WDR46: variants seen among roughly 807,000 people sequenced by gnomAD.
WDR46 encodes the protein WD repeat-containing protein 46.
A neutral mutation model predicts 74.7 loss-of-function variants in WDR46; 58 were observed. That is an observed-to-expected ratio of 0.78 (90% CI 0.63 to 0.97). WDR46 has a LOEUF of 0.97. Among genes scored for constraint, WDR46 ranks in the 50% least tolerant of loss-of-function variants. The pLI is 0.00. For synonymous variants in WDR46, 278 were observed against 297.3 expected, an observed-to-expected ratio of 0.93 and a Z score of 0.67; for missense variants, 702 against 790.1, an observed-to-expected ratio of 0.89 and a Z score of 1.34.
intron 9 of WDR46, 71 bp downstream of exon 9, chr6:33,287,020 A>C (rs1766710859): frequency 6.3e-7 from 1 of 1,589,564 alleles, no homozygotes. Context: ...ACTTTAAGGG[A>C]CTCATGAAGT....
rs533764135 is a variant in WDR46 at position 33,283,666 on chromosome 6, G to A, written c.1116-2679C>T. ...TGTAATCCCAGCACTTTGGGAGGCCGAGGTGGGTGGATCACCTGAGGTCAG... is the reference window on the plus strand; with the variant it reads ...TGTAATCCCAGCACTTTGGGAGGCCAAGGTGGGTGGATCACCTGAGGTCAG... On this transcript the variant is annotated intron_variant, in intron 10 of 14. Coordinates refer to ENST00000374617, the MANE Select transcript of WDR46 (RefSeq NM_005452.6). Among the ~76,000 whole-genome samples the A allele has an allele frequency of 8.6e-4, 131 of 152,270 alleles. 2 individuals are homozygous for A. The highest frequency in any genetic ancestry group is 4.4e-3 in the South Asian group (21 of 4,826).
rs1766712658 is a variant in WDR46, at chr6:33,287,036, T to C, written c.1015+55A>G. 4.4e-6 allele frequency: 7 copies of C among 1,595,960 alleles called. 1 individual carries two copies. Among genetic ancestry groups the C allele is most frequent in the Middle Eastern group, 1.7e-4 (1 of 5,958 alleles). On this transcript the variant is annotated intron_variant, in intron 9 of 14. Transcript: ENST00000374617. Reference sequence around the variant, plus strand: ...CTTTAAGGGACTCATGAAGTACAAATATAGAAGAAAAGCAAGTCAGGATGG... The same window carrying C: ...CTTTAAGGGACTCATGAAGTACAAACATAGAAGAAAAGCAAGTCAGGATGG...
intron 10 of WDR46, among the ~76,000 whole-genome samples, chr6:33,283,253 G>T (rs912490216): frequency 6.6e-6 from 1 of 151,868 alleles, no homozygotes; most frequent in African/African-American, 2.4e-5. Context: ...GCGGGTGGTG[G>T]GGGGGGTGGT....
chr6:33,287,429 G>GC lies in WDR46; in HGVS notation c.804dup (p.Leu269AlafsTer8). Reference sequence around the variant, plus strand: ...CGGTCACAGCGGCGGATACAGTGGAGCTCAATGCCCTGATTGTCATAGATG... The same window carrying GC: ...CGGTCACAGCGGCGGATACAGTGGAGCCTCAATGCCCTGATTGTCATAGATG... On this transcript the variant is annotated frameshift_variant, in exon 8 of 15. Coordinates refer to ENST00000374617, the MANE Select transcript of WDR46 (RefSeq NM_005452.6). LOFTEE classifies it high-confidence loss of function. 1 of 1,612,584 alleles carries GC rather than the reference G, an allele frequency of 6.2e-7. No homozygotes were observed. The highest frequency in any genetic ancestry group is 8.5e-7 in the Non-Finnish European group (1 of 1,179,818).
In WDR46 at chr6:33,279,781, CCTT is replaced by C. The variant is rs2150892637; in HGVS notation, c.1600_1602del (p.Lys534del). 1.9e-6 allele frequency: 3 copies of C among 1,614,118 alleles called. No homozygotes were observed. The highest frequency in any genetic ancestry group is 2.2e-5 in the East Asian group (1 of 44,876). ...CTCCATACCAGCCTCTCTATCTGCTCCTTCTTTCCCTGCTCCAGGGAGATGACA... is the reference window on the plus strand; with the variant it reads ...CTCCATACCAGCCTCTCTATCTGCTCCTTTCCCTGCTCCAGGGAGATGACA... On this transcript the variant is annotated inframe_deletion, in exon 13 of 15. Coordinates refer to ENST00000374617, the MANE Select transcript of WDR46 (RefSeq NM_005452.6).
chr6:33,280,288 AGTGGGGAACCTGACCTTCTCCAGCAG>A, intron 12 of WDR46, 114 bp downstream of exon 12: 2 of 748,002 alleles, frequency 2.7e-6, no homozygotes, highest in Non-Finnish European at 2.2e-6. Flanking sequence ...CTTCTCCAGC[AGTGGGGAACCTGACCTTCTCCAGCAG>A]GGGGGAACCT....
At chr6:33,285,258 A>C (rs1373654429) in intron 10 of WDR46, among the ~76,000 whole-genome samples, 1 of 151,820 alleles carries the variant, frequency 6.6e-6, no homozygotes, top group Non-Finnish European at 1.5e-5. Flanking sequence ...GCTAGAGTGC[A>C]GTGGCATGAT....
chr6:33,288,827 C>T lies in WDR46; in HGVS notation c.256G>A (p.Glu86Lys). The T allele has an allele frequency of 5.0e-6, 8 of 1,614,148 alleles. No individual in the cohort carries two copies. The highest frequency in any genetic ancestry group is 6.8e-6 in the Non-Finnish European group (8 of 1,180,008). The change falls in exon 2 of 15, where the codon GAG becomes AAG. Residue 86 changes from glutamate to lysine, a missense_variant. Transcript: ENST00000374617. Reference sequence around the variant, plus strand: ...ACCCCGGACAAGCCGCGCTGGGACTCCGGGTTCTTCCATTCTCGGGGTTTC... The same window carrying T: ...ACCCCGGACAAGCCGCGCTGGGACTTCGGGTTCTTCCATTCTCGGGGTTTC... ...PKKPREWKNP[E>K]SQRGLSGTQD...
chr6:33,281,126 C>T, intron 10 of WDR46, 139 bp from the exon 11 acceptor site: 1 of 791,366 alleles, frequency 1.3e-6, no homozygotes, highest in Non-Finnish European at 2.0e-6. Flanking sequence ...GAACACTCCA[C>T]AGGCATCCTC....
rs201738175 is a variant in WDR46 at position 33,288,379 on chromosome 6, A to T, written c.452T>A (p.Leu151Gln). 5 of 1,614,086 alleles carry T rather than the reference A, an allele frequency of 3.1e-6. No individual in the cohort carries two copies. The highest frequency in any genetic ancestry group is 2.2e-5 in the East Asian group (1 of 44,898). The change falls in exon 4 of 15, where the codon CTG becomes CAG. Residue 151 changes from leucine to glutamine, a missense_variant. Physicochemically the swap from Leu to Gln is moderately radical, Grantham distance 113. Coordinates refer to ENST00000374617, the MANE Select transcript of WDR46 (RefSeq NM_005452.6). ...ETSIKAARSE[L>Q]LLAEEPGFLE... ...TCACCCAGGTTCTTCAGCAAGCAGC[A>T]GCTCAGAACGAGCAGCTTTGATACT...
At chr6:33,288,256 G>T (rs747794426) in intron 4 of WDR46, 21 bp from the exon 5 acceptor site, 1 of 1,613,974 alleles carries the variant, frequency 6.2e-7, no homozygotes, top group South Asian at 1.1e-5. Context: ...GGGTTAGGAT[G>T]GCAGTAAAGC....
At position 33,289,007 on chromosome 6, in the gene WDR46, G is replaced by C. The variant is rs748492034; in HGVS notation, c.76C>G (p.Arg26Gly). 2 of 1,613,918 alleles carry C rather than the reference G, an allele frequency of 1.2e-6. No homozygotes were observed. Among genetic ancestry groups the C allele is most frequent in the Non-Finnish European group, 1.7e-6 (2 of 1,179,992 alleles). ...DKLQTKRKKP[R>G]RYWEEETVPT... ...ACGGTCTCTTCCTCCCAGTATCGCCGCGGTTTCTACAGGCACATCAGGAAC... is the reference window on the plus strand; with the variant it reads ...ACGGTCTCTTCCTCCCAGTATCGCCCCGGTTTCTACAGGCACATCAGGAAC... The change falls in exon 2 of 15, where the codon CGG becomes GGG. Residue 26 changes from arginine to glycine, a missense_variant. By Grantham distance (125) the Arg-to-Gly change is moderately radical (BLOSUM62 -2). Transcript: ENST00000374617.
intron 8 of WDR46, 36 bp downstream of exon 8, chr6:33,287,319 G>T: frequency 6.2e-7 from 1 of 1,612,728 alleles, no homozygotes; most frequent in Non-Finnish European, 8.5e-7. Flanking sequence ...CATCCCAAGG[G>T]CTTCCAACCA....
chr6:33,287,226 AC>A lies in WDR46; in HGVS notation c.880-1del. On this transcript the variant is annotated splice_acceptor_variant, in intron 8 of 14. Transcript: ENST00000374617. LOFTEE classifies it high-confidence loss of function. ...AGGTAGGTTAGAAACCCTGTTTCTGACTGAGAGAGAAAGACAGAGAGAATGA... is the reference window on the plus strand; with the variant it reads ...AGGTAGGTTAGAAACCCTGTTTCTGATGAGAGAGAAAGACAGAGAGAATGA... 1 of 1,613,648 alleles carries A rather than the reference AC, an allele frequency of 6.2e-7. No homozygotes were observed. The highest frequency in any genetic ancestry group is 8.5e-7 in the Non-Finnish European group (1 of 1,179,942).
chr6:33,280,570 T>C (rs1419714111), intron 11 of WDR46, 48 bp from the exon 12 acceptor site: 2 of 1,600,550 alleles, frequency 1.2e-6, no homozygotes, highest in South Asian at 2.2e-5. Flanking sequence ...AGAACCTCAG[T>C]CCAACAGCTC....
rs1409880221 is a variant in WDR46 at position 33,280,656 on chromosome 6, A to G, written c.1429+18T>C. ...CCAGAGTTCATTCACTTCAAGCCCC[A>G]TCCCCTGGCCCACTCACCAGGGACC... On this transcript the variant is annotated intron_variant, in intron 11 of 14. Transcript: ENST00000374617. The G allele has an allele frequency of 1.3e-6, 2 of 1,585,046 alleles. No homozygotes were observed. The highest frequency in any genetic ancestry group is 3.4e-5 in the Admixed American group (2 of 58,444).
In WDR46 at chr6:33,279,579, T is replaced by C. The variant is rs1372263384; in HGVS notation, c.1652A>G (p.Gln551Arg). The change falls in exon 14 of 15, where the codon CAG becomes CGG. Residue 551 changes from glutamine (Q) to arginine (R), a missense_variant. Gln to Arg is a conservative substitution (Grantham distance 43, BLOSUM62 1). Coordinates refer to ENST00000374617, the MANE Select transcript of WDR46 (RefSeq NM_005452.6). ...GCGGCCCTTCTGCTTTGGCTTTGGC[T>C]GGAAGGGAGCCTTAGCCTGCGGGTC... ...GYDPQAKAPF[Q>R]PKPKQKGRSS... 1.2e-6 allele frequency: 2 copies of C among 1,614,042 alleles called. No individual in the cohort carries two copies. Among genetic ancestry groups the C allele is most frequent in the Non-Finnish European group, 1.7e-6 (2 of 1,180,048 alleles).
rs1018254083 is a variant in WDR46 at position 33,281,193 on chromosome 6, A to T, written c.1116-206T>A. Among the ~76,000 whole-genome samples, 10 of 152,324 alleles carry T rather than the reference A, an allele frequency of 6.6e-5. No homozygotes were observed. The South Asian group carries it at 1.0e-3, about 16-fold the overall frequency. On this transcript the variant is annotated intron_variant, in intron 10 of 14. Transcript: ENST00000374617. ...TTATTTCCCTTTAAGAGGTGAGGAA[A>T]CTGAAGCTCAGGGAAAGGAAAGCTA... is the stretch of plus-strand genomic sequence containing the variant.
intron 12 of WDR46, 56 bp downstream of exon 12, chr6:33,280,372 C>T (rs541670015): frequency 6.5e-7 from 1 of 1,534,408 alleles, no homozygotes; most frequent in Non-Finnish European, 8.8e-7. Context: ...GACGGGGGAA[C>T]CTGACCCTCT....
Sources: gnomAD v4.1 joint callset for allele counts (sites outside exome capture counted in the v4.1 genomes callset) on GRCh38, gnomAD v4.1.1 for gene constraint, MANE v1.5 for transcripts, NCBI Gene and HGNC (gene_info 2026-07-23, HGNC 2026-07-21) for gene names.